Variants in MCTS1 observed in about 807,000 individuals in gnomAD.
The protein encoded by MCTS1 is MCTS1 re-initiation and release factor, also known as malignant T-cell-amplified sequence 1.
For missense variants in MCTS1, 55 were observed against 128.6 expected, an observed-to-expected ratio of 0.43 and a Z score of 2.77; for synonymous variants, 26 against 40.8, an observed-to-expected ratio of 0.64 and a Z score of 1.38.
chrX:120,613,365 T>C lies in MCTS1; in HGVS notation c.*1101T>C, dbSNP rs2147376231. ...TACTTTAGTGTGTATCTTTAAAAAT[T>C]AGAAAAACCCCACAATACCATTATC... On this transcript the variant is annotated 3_prime_UTR_variant, in exon 6 of 6. Transcript: ENST00000371317. Among the ~76,000 whole-genome samples, 1 of 111,902 alleles carries C rather than the reference T, an allele frequency of 8.9e-6. No homozygotes were observed. Among genetic ancestry groups the C allele is most frequent in the South Asian group, 3.7e-4 (1 of 2,703 alleles).
In MCTS1 at chrX:120,612,291, A is replaced by T. The variant is rs763890542; in HGVS notation, c.*27A>T. The stretch of plus-strand genomic sequence containing the variant: ...CCTCAGAAGGAATGCACTTGGGCTA[A>T]ATATGGATATTGTGCTGTATCTGTG... On this transcript the variant is annotated 3_prime_UTR_variant, in exon 6 of 6. Coordinates refer to ENST00000371317, the MANE Select transcript of MCTS1 (RefSeq NM_014060.3). 12 of 1,061,516 alleles carry T rather than the reference A, an allele frequency of 1.1e-5. No individual in the cohort carries two copies. In the African/African-American group the frequency reaches 2.2e-4, roughly 20 times the overall value. 87.5% of individuals were successfully genotyped at this position (1,061,516 alleles called of 1,213,427 possible).
Position 120,604,193 on chromosome X carries a change from C to A in MCTS1, c.-44C>A, listed in dbSNP as rs779703816. 8.3e-7 allele frequency: 1 copy of A among 1,204,273 alleles called. No individual in the cohort carries two copies. The highest frequency in any genetic ancestry group is 1.7e-5 in the African/African-American group (1 of 57,279). On this transcript the variant is annotated 5_prime_UTR_variant, in exon 1 of 6. Coordinates refer to ENST00000371317, the MANE Select transcript of MCTS1 (RefSeq NM_014060.3). ...GACCCCTGCAAATTCAATTTCTTTC[C>A]CATTCCGGGCCCTTCCCTATCGTCG...
intron 3 of MCTS1, among the ~76,000 whole-genome samples, chrX:120,607,186 TC>T (rs1008886246): frequency 5.4e-5 from 6 of 110,881 alleles, no homozygotes; most frequent in African/African-American, 2.0e-4. Context: ...GGTGCCTGTA[TC>T]CCCCACCACC....
chrX:120,620,166 G>A lies in MCTS1; in HGVS notation c.*7902G>A, dbSNP rs187224317. On this transcript the variant is annotated 3_prime_UTR_variant, in exon 6 of 6. Transcript: ENST00000371317. ...TACTAAAAATACAAAAAATTAACCGGACGCAGTGGTGGGCGCCTGTAGTCC... is the reference window on the plus strand; with the variant it reads ...TACTAAAAATACAAAAAATTAACCGAACGCAGTGGTGGGCGCCTGTAGTCC... Among the ~76,000 whole-genome samples, 2 of 109,798 alleles carry A rather than the reference G, an allele frequency of 1.8e-5. No homozygotes were observed. Among genetic ancestry groups the A allele is most frequent in the African/African-American group, 6.7e-5 (2 of 30,075 alleles).
At chrX:120,609,494 T>C (rs1237388086) in intron 4 of MCTS1, among the ~76,000 whole-genome samples, 5 of 111,043 alleles carry the variant, frequency 4.5e-5, no homozygotes, top group Admixed American at 1.9e-4. Context: ...GGGGTGTGTT[T>C]AAGAAGAATA....
In MCTS1 at chrX:120,614,738, A is replaced by G. The variant is rs752912132; in HGVS notation, c.*2474A>G. On this transcript the variant is annotated 3_prime_UTR_variant, in exon 6 of 6. Transcript: ENST00000371317. The stretch of plus-strand genomic sequence containing the variant: ...CTTAAAAAGAATATACAAGTCATTT[A>G]TGTCAGAATCAAACTTTGAACCTTT... Among the ~76,000 whole-genome samples the G allele has an allele frequency of 8.9e-6, 1 of 112,284 alleles. No individual in the cohort carries two copies. The highest frequency in any genetic ancestry group is 2.8e-4 in the East Asian group (1 of 3,590).
rs1193163543 is a variant in MCTS1 at position 120,620,915 on chromosome X, C to G, written c.*8651C>G. On this transcript the variant is annotated 3_prime_UTR_variant, in exon 6 of 6. Transcript: ENST00000371317. ...CATTCATGTTTAGCTATTGGGGGGTCTCATACTTCTGGACTTGCTTAGACC... is the reference window on the plus strand; with the variant it reads ...CATTCATGTTTAGCTATTGGGGGGTGTCATACTTCTGGACTTGCTTAGACC... 2 of 111,299 alleles carry G rather than the reference C, an allele frequency of 1.8e-5. No individual in the cohort carries two copies. Among genetic ancestry groups the G allele is most frequent in the Non-Finnish European group, 3.8e-5 (2 of 53,123 alleles). 9.2% of individuals were successfully genotyped at this position (111,299 alleles called of 1,213,427 possible). A position where few individuals can be genotyped will look rare whatever the true frequency, so the allele number is the denominator to read the frequency against.
At chrX:120,609,862 C>G (rs188340676) in intron 4 of MCTS1, among the ~76,000 whole-genome samples, 41 of 111,923 alleles carry the variant, frequency 3.7e-4, no homozygotes, top group African/African-American at 1.3e-3. Context: ...CTTGTGTACC[C>G]TGAATCTTGA....
rs1926463652 is a variant in MCTS1, at chrX:120,604,123, C to T, written c.-114C>T. Reference sequence around the variant, plus strand: ...CTCGTTTTCCGGATAACGACTACAGCTCCGACTGTCAGTGCCGGCCTTCCT... The same window carrying T: ...CTCGTTTTCCGGATAACGACTACAGTTCCGACTGTCAGTGCCGGCCTTCCT... On this transcript the variant is annotated 5_prime_UTR_variant, in exon 1 of 6. Coordinates refer to ENST00000371317, the MANE Select transcript of MCTS1 (RefSeq NM_014060.3). 5.3e-6 allele frequency: 5 copies of T among 943,839 alleles called. No homozygotes were observed. The highest frequency in any genetic ancestry group is 7.5e-6 in the Non-Finnish European group (5 of 670,183). 77.8% of individuals were successfully genotyped at this position (943,839 alleles called of 1,213,427 possible).
intron 1 of MCTS1, chrX:120,604,641 A>G: frequency 9.9e-7 from 1 of 1,012,970 alleles, no homozygotes; most frequent in Non-Finnish European, 1.3e-6. Context: ...GAATAAAGGA[A>G]GGCTTGACTT....
rs974005551 is a variant in MCTS1 at position 120,616,965 on chromosome X, T to C, written c.*4701T>C. Among the ~76,000 whole-genome samples the C allele has an allele frequency of 7.1e-5, 8 of 111,956 alleles. No homozygotes were observed. Among genetic ancestry groups the C allele is most frequent in the African/African-American group, 2.6e-4 (8 of 30,853 alleles). On this transcript the variant is annotated 3_prime_UTR_variant, in exon 6 of 6. Coordinates refer to ENST00000371317, the MANE Select transcript of MCTS1 (RefSeq NM_014060.3). Reference sequence around the variant, plus strand: ...AAAACTGATATTTCAAATGACTAAATAGACTTAAGATTAGAGGAAGGTAGG... The same window carrying C: ...AAAACTGATATTTCAAATGACTAAACAGACTTAAGATTAGAGGAAGGTAGG...
At chrX:120,608,384 G>T in intron 4 of MCTS1, 26 bp downstream of exon 4, 1 of 1,156,501 alleles carries the variant, frequency 8.6e-7, no homozygotes, top group Non-Finnish European at 1.2e-6. Context: ...TAAAACTGCT[G>T]AAAAATGTAT....
chrX:120,611,135 G>A, intron 5 of MCTS1, 57 bp downstream of exon 5: 1 of 1,062,812 alleles, frequency 9.4e-7, no homozygotes, highest in Non-Finnish European at 1.3e-6. Flanking sequence ...AACCCAGGAA[G>A]CATCAGAATT....
At chrX:120,611,367 G>A in intron 5 of MCTS1, 1 of 200,873 alleles carries the variant, frequency 5.0e-6, no homozygotes. Flanking sequence ...TTTAAATTGG[G>A]GGAGGAGGGA....
At chrX:120,604,437 T>C in intron 1 of MCTS1, 190 bp downstream of exon 1, 2 of 589,526 alleles carry the variant, frequency 3.4e-6, no homozygotes, top group Non-Finnish European at 5.1e-6. Flanking sequence ...CCGTAGTCCT[T>C]AATTGGGTTT....
At position 120,613,785 on chromosome X, in the gene MCTS1, C is replaced by A. The variant is rs1441452887; in HGVS notation, c.*1521C>A. Among the ~76,000 whole-genome samples the A allele has an allele frequency of 8.9e-6, 1 of 111,958 alleles. No homozygotes were observed. Among genetic ancestry groups the A allele is most frequent in the African/African-American group, 3.2e-5 (1 of 30,820 alleles). On this transcript the variant is annotated 3_prime_UTR_variant, in exon 6 of 6. Transcript: ENST00000371317. Reference sequence around the variant, plus strand: ...CATCTGGATTTGGGTCCCCACTAGACTCCTTAAATAATGTATATCTTCTAT... The same window carrying A: ...CATCTGGATTTGGGTCCCCACTAGAATCCTTAAATAATGTATATCTTCTAT...
chrX:120,615,423 G>A lies in MCTS1; in HGVS notation c.*3159G>A, dbSNP rs1023302769. 1.8e-5 allele frequency among the ~76,000 whole-genome samples: 2 copies of A among 111,619 alleles called. No homozygotes were observed. The highest frequency in any genetic ancestry group is 3.8e-5 in the Non-Finnish European group (2 of 53,164). On this transcript the variant is annotated 3_prime_UTR_variant, in exon 6 of 6. Transcript: ENST00000371317. ...TAGGTTCTAAGTGACGTGGCATGAAGATGAATAATACAGAAGTAGCCCTTG... is the reference window on the plus strand; with the variant it reads ...TAGGTTCTAAGTGACGTGGCATGAAAATGAATAATACAGAAGTAGCCCTTG...
chrX:120,605,400 T>C lies in MCTS1; in HGVS notation c.12-7T>C, dbSNP rs747649548. ...CCTTTTCTTTTCTTGCAAAAATTACTTGGCAGATTTGATGAAAAAGAAAAT... is the reference window on the plus strand; with the variant it reads ...CCTTTTCTTTTCTTGCAAAAATTACCTGGCAGATTTGATGAAAAAGAAAAT... On this transcript the variant is annotated splice_polypyrimidine_tract_variant and splice_region_variant and intron_variant, in intron 1 of 5. Coordinates refer to ENST00000371317, the MANE Select transcript of MCTS1 (RefSeq NM_014060.3). 2 of 1,158,624 alleles carry C rather than the reference T, an allele frequency of 1.7e-6. No individual in the cohort carries two copies. The highest frequency in any genetic ancestry group is 2.3e-6 in the Non-Finnish European group (2 of 876,042).
chrX:120,604,406 A>T (rs1926475514), intron 1 of MCTS1, 159 bp downstream of exon 1: 1 of 692,578 alleles, frequency 1.4e-6, no homozygotes, highest in Non-Finnish European at 2.1e-6. Context: ...CCCAACTTGA[A>T]CACTTCTTTA....
Sources: gnomAD v4.1 joint callset for allele counts (sites outside exome capture counted in the v4.1 genomes callset) on GRCh38, gnomAD v4.1.1 for gene constraint, MANE v1.5 for transcripts, NCBI Gene and HGNC (gene_info 2026-07-23, HGNC 2026-07-21) for gene names.